PKIB: variants seen among roughly 807,000 people sequenced by gnomAD.
PKIB encodes the protein PKI-beta.
In PKIB, 2 loss-of-function variants were observed where a neutral mutation model predicts 4.5. That is an observed-to-expected ratio of 0.44 (90% CI 0.18 to 1.39). PKIB has a LOEUF of 1.39. PKIB is among the 40% of genes most tolerant of loss of function. The pLI is 0.27. For synonymous variants in PKIB, 38 were observed against 36.0 expected, an observed-to-expected ratio of 1.06 and a Z score of -0.20; for missense variants, 94 against 92.6, an observed-to-expected ratio of 1.02 and a Z score of -0.06.
chr6:122,508,588 T>C (rs1776490766), intron 2 of PKIB, among the ~76,000 whole-genome samples: 1 of 152,158 alleles, frequency 6.6e-6, no homozygotes, highest in African/African-American at 2.4e-5. Flanking sequence ...TGCTCAGATA[T>C]GAGTTATATA....
chr6:122,628,929 G>C (rs559009120), intron 1 of PKIB, among the ~76,000 whole-genome samples: 2 of 152,254 alleles, frequency 1.3e-5, no homozygotes, highest in Middle Eastern at 3.4e-3. Flanking sequence ...CTGGGTAGAG[G>C]GGAAAGCTGA....
At chr6:122,600,966 A>G (rs1299137383) in intron 3 of PKIB, among the ~76,000 whole-genome samples, 1 of 152,176 alleles carries the variant, frequency 6.6e-6, no homozygotes, top group Non-Finnish European at 1.5e-5. Context: ...CATGTTAAAT[A>G]GAGATACGGA....
chr6:122,605,338 G>T (rs910090472), upstream of PKIB, among the ~76,000 whole-genome samples: 12 of 152,214 alleles, frequency 7.9e-5, no homozygotes, highest in Non-Finnish European at 1.5e-5. Flanking sequence ...GCAGAAAGAA[G>T]AAAAAGCCAG....
intron 2 of PKIB, among the ~76,000 whole-genome samples, chr6:122,639,326 T>C (rs1465620787): frequency 6.6e-6 from 1 of 152,212 alleles, no homozygotes; most frequent in Admixed American, 6.5e-5. Flanking sequence ...AGGGAATATA[T>C]ACAAAGAATG....
intron 2 of PKIB, among the ~76,000 whole-genome samples, chr6:122,663,858 C>T (rs760096530): frequency 6.6e-6 from 1 of 152,136 alleles, no homozygotes; most frequent in Non-Finnish European, 1.5e-5. Flanking sequence ...CAACCCATAA[C>T]ACCATATCTG....
chr6:122,657,432 A>G lies in PKIB; in HGVS notation c.-75-17646A>G, dbSNP rs535023526. ...CCAAAATGCAGCTATTTATCCGAACATAATATCACAATTATGTTAGTGTAA... is the reference window on the plus strand; with the variant it reads ...CCAAAATGCAGCTATTTATCCGAACGTAATATCACAATTATGTTAGTGTAA... On this transcript the variant is annotated intron_variant, in intron 2 of 4. Coordinates refer to ENST00000368452, the MANE Select transcript of PKIB (RefSeq NM_181795.3). 3.9e-4 allele frequency among the ~76,000 whole-genome samples: 60 copies of G among 152,340 alleles called. 2 individuals are homozygous for G. The South Asian group carries it at 0.012, about 31-fold the overall frequency.
intron 3 of PKIB, among the ~76,000 whole-genome samples, chr6:122,587,967 G>T (rs1406097007): frequency 3.9e-5 from 6 of 152,256 alleles, no homozygotes; most frequent in Middle Eastern, 3.4e-3. Context: ...CTCCCATTCT[G>T]TAGGTTACCT....
At chr6:122,558,574 A>G (rs931109087) in intron 2 of PKIB, among the ~76,000 whole-genome samples, 1 of 152,168 alleles carries the variant, frequency 6.6e-6, no homozygotes, top group Non-Finnish European at 1.5e-5. Flanking sequence ...TATCTCCATT[A>G]TATCATCCTT....
chr6:122,485,889 G>A (rs1775752433), intron 2 of PKIB, among the ~76,000 whole-genome samples: 1 of 152,150 alleles, frequency 6.6e-6, no homozygotes, highest in South Asian at 2.1e-4. Flanking sequence ...TTTTTGCATG[G>A]AAGTAATTGT....
chr6:122,702,911 A>G (rs1021243663), intron 3 of PKIB, among the ~76,000 whole-genome samples: 4 of 152,122 alleles, frequency 2.6e-5, no homozygotes, highest in Admixed American at 6.5e-5. Flanking sequence ...GTTAATATTT[A>G]TATGCCATAA....
chr6:122,630,018 T>C (rs1775629865), intron 1 of PKIB, among the ~76,000 whole-genome samples: 2 of 152,160 alleles, frequency 1.3e-5, no homozygotes, highest in Non-Finnish European at 2.9e-5. Context: ...AAATGTACCA[T>C]ACTAATGTAA....
At chr6:122,686,343 A>G (rs896851738) in intron 3 of PKIB, among the ~76,000 whole-genome samples, 9 of 152,008 alleles carry the variant, frequency 5.9e-5, no homozygotes, top group African/African-American at 1.4e-4. Flanking sequence ...AATAATAGCT[A>G]TTTTAACTGG....
chr6:122,538,593 A>C (rs1174287109), intron 2 of PKIB, among the ~76,000 whole-genome samples: 2 of 152,046 alleles, frequency 1.3e-5, no homozygotes, highest in Non-Finnish European at 2.9e-5. Flanking sequence ...CTTGTAGTAT[A>C]GTTTGAAGTC....
intron 2 of PKIB, among the ~76,000 whole-genome samples, chr6:122,562,092 T>A (rs185652249): frequency 5.4e-5 from 8 of 148,252 alleles, no homozygotes; most frequent in African/African-American, 2.0e-4. Context: ...TTTTGATGTG[T>A]TCCCAGGATT....
chr6:122,667,231 A>G (rs151313816), intron 2 of PKIB, among the ~76,000 whole-genome samples: 1 of 152,194 alleles, frequency 6.6e-6, no homozygotes, highest in Non-Finnish European at 1.5e-5. Flanking sequence ...GATGCCTAAC[A>G]ATTTCCTCTT....
intron 2 of PKIB, chr6:122,479,565 C>T (rs997661218): frequency 1.3e-5 from 2 of 152,154 alleles, no homozygotes; most frequent in African/African-American, 4.8e-5. Flanking sequence ...GCTTAGACAT[C>T]AGAAGTCTCA....
intron 2 of PKIB, among the ~76,000 whole-genome samples, chr6:122,530,351 A>G (rs186207217): frequency 3.7e-3 from 565 of 152,202 alleles, no homozygotes; most frequent in Non-Finnish European, 5.9e-3. Flanking sequence ...TTAGTCATTT[A>G]TCTGTATTCT....
intron 3 of PKIB, among the ~76,000 whole-genome samples, chr6:122,706,428 A>G (rs1779058181): frequency 6.6e-6 from 1 of 152,130 alleles, no homozygotes; most frequent in Non-Finnish European, 1.5e-5. Context: ...GCTTAGTCTT[A>G]TTTGCCACTG....
intron 2 of PKIB, among the ~76,000 whole-genome samples, chr6:122,506,694 ATTTTTTTT>A (rs35341464): frequency 8.6e-6 from 1 of 116,568 alleles, no homozygotes; most frequent in Non-Finnish European, 1.7e-5. Flanking sequence ...TGGAGATGTA[ATTTTTTTT>A]TTTTTTTTTT....
Sources: gnomAD v4.1 joint callset for allele counts (sites outside exome capture counted in the v4.1 genomes callset) on GRCh38, gnomAD v4.1.1 for gene constraint, MANE v1.5 for transcripts, NCBI Gene and HGNC (gene_info 2026-07-23, HGNC 2026-07-21) for gene names.